Variants in CNTN3 observed in about 807,000 individuals in gnomAD.
The protein encoded by CNTN3 is contactin 3.
CNTN3 carries 60 observed loss-of-function variants against 119.1 expected under a neutral mutation model. That is an observed-to-expected ratio of 0.50 (90% CI 0.41 to 0.62). The LOEUF (loss-of-function observed/expected upper bound fraction) is 0.62. Ranked by LOEUF, CNTN3 falls within the 20% of genes least tolerant of loss-of-function variation. The pLI, the probability that CNTN3 is intolerant of heterozygous loss-of-function variation, is 0.00. For missense variants in CNTN3, 1,101 were observed against 1,242.4 expected (o/e 0.89, Z 1.71); for synonymous variants, 450 against 438.7 (o/e 1.03, Z -0.32).
At chr3:74,341,277 C>A (rs1703538430) in intron 11 of CNTN3, among the ~76,000 whole-genome samples, 1 of 152,014 alleles carries the variant, frequency 6.6e-6, no homozygotes, top group Non-Finnish European at 1.5e-5. Flanking sequence ...CTTCAATAAC[C>A]CACGCTTCCC....
In CNTN3 at chr3:74,614,498, G is replaced by C. The variant is rs1705140592; in HGVS notation, c.-188C>G. Among the ~76,000 whole-genome samples the C allele has an allele frequency of 6.9e-6, 1 of 145,668 alleles. No homozygotes were observed. The highest frequency in any genetic ancestry group is 2.0e-4 in the East Asian group (1 of 4,994). On this transcript the variant is annotated 5_prime_UTR_variant, in exon 1 of 23. Transcript: ENST00000263665. ...CGCCGCAGTTAGTCCGGGCCCGGGG[G>C]GCCGCCGTGCGCGCCCGCGTAAGCC...
At chr3:74,576,976 C>T (rs1704427885) in intron 1 of CNTN3, among the ~76,000 whole-genome samples, 2 of 152,128 alleles carry the variant, frequency 1.3e-5, no homozygotes, top group Admixed American at 6.5e-5. Context: ...TAAGGAGAGG[C>T]AGCAGTGACT....
chr3:74,411,017 C>A (rs1409922961), intron 5 of CNTN3, among the ~76,000 whole-genome samples: 1 of 151,926 alleles, frequency 6.6e-6, no homozygotes. Context: ...GAGAGACTCC[C>A]CTCTCTATCC....
intron 2 of CNTN3, among the ~76,000 whole-genome samples, chr3:74,512,185 C>T (rs2107105729): frequency 6.6e-6 from 1 of 152,108 alleles, no homozygotes; most frequent in Non-Finnish European, 1.5e-5. Context: ...TTTTAATTAC[C>T]TCTGACTGAG....
chr3:74,327,433 A>C (rs1469637589), intron 13 of CNTN3, among the ~76,000 whole-genome samples: 1 of 152,036 alleles, frequency 6.6e-6, no homozygotes, highest in Non-Finnish European at 1.5e-5. Flanking sequence ...TGGAAGGGTT[A>C]ATCTTTGAAT....
chr3:74,592,635 G>T (rs1049175282), intron 1 of CNTN3, among the ~76,000 whole-genome samples: 2 of 151,866 alleles, frequency 1.3e-5, no homozygotes, highest in African/African-American at 4.8e-5. Flanking sequence ...CTGTTTTCCT[G>T]AAGGAAAATG....
At chr3:74,428,759 C>T (rs138901800) in intron 4 of CNTN3, among the ~76,000 whole-genome samples, 71 of 152,218 alleles carry the variant, frequency 4.7e-4, no homozygotes, top group Middle Eastern at 3.4e-3. Flanking sequence ...ATTCACTCAC[C>T]GCTCACTCAC....
intron 1 of CNTN3, among the ~76,000 whole-genome samples, chr3:74,532,595 T>C (rs1043768017): frequency 1.3e-5 from 2 of 151,988 alleles, no homozygotes; most frequent in African/African-American, 4.8e-5. Flanking sequence ...CCTAAGTGAC[T>C]CACAGGTGGG....
At chr3:74,304,954 A>G (rs1702529363) in intron 13 of CNTN3, among the ~76,000 whole-genome samples, 1 of 152,164 alleles carries the variant, frequency 6.6e-6, no homozygotes, top group Non-Finnish European at 1.5e-5. Flanking sequence ...TATTTGTATT[A>G]TTCCTCTTCT....
At chr3:74,420,330 T>C (rs7648056) in intron 5 of CNTN3, among the ~76,000 whole-genome samples, 113,420 of 151,806 alleles carry the variant, frequency 0.75, 42,507 homozygotes, top group East Asian at 0.81. Context: ...TAAATTACAT[T>C]GATTAATTAA....
intron 2 of CNTN3, among the ~76,000 whole-genome samples, chr3:74,508,923 A>C (rs2107099402): frequency 6.6e-6 from 1 of 152,318 alleles, no homozygotes; most frequent in East Asian, 1.9e-4. Context: ...TGTAAGAAAA[A>C]GTATAAGCAT....
chr3:74,533,886 G>A (rs1000876897), intron 1 of CNTN3, among the ~76,000 whole-genome samples: 1 of 152,042 alleles, frequency 6.6e-6, no homozygotes, highest in Non-Finnish European at 1.5e-5. Context: ...GAGGGATACA[G>A]ATGAGCTACT....
Position 74,425,058 on chromosome 3 carries a change from A to T in CNTN3, c.359-118T>A, listed in dbSNP as rs1370721377. ...TTAGTTTTTGCTTTTTTCTTTAAAA[A>T]TTTTTATTTTTATTTACTTAGAATT... On this transcript the variant is annotated intron_variant, in intron 4 of 22. Coordinates refer to ENST00000263665, the MANE Select transcript of CNTN3 (RefSeq NM_020872.3). 1.1e-5 allele frequency: 7 copies of T among 641,744 alleles called. No individual in the cohort carries two copies. The East Asian group carries it at 2.0e-4, about 19-fold the overall frequency. 39.8% of individuals were successfully genotyped at this position (641,744 alleles called of 1,614,324 possible).
chr3:74,364,723 T>C (rs186413209), intron 9 of CNTN3, 127 bp from the exon 10 acceptor site: 36 of 688,770 alleles, frequency 5.2e-5, no homozygotes, highest in African/African-American at 3.6e-4. Flanking sequence ...CAGGATGGCC[T>C]GAAATTTAAC....
intron 20 of CNTN3, among the ~76,000 whole-genome samples, chr3:74,275,259 G>T (rs973410148): frequency 3.9e-5 from 6 of 152,180 alleles, no homozygotes; most frequent in African/African-American, 1.2e-4. Flanking sequence ...GCCCAGCCTT[G>T]CAAGAGACCT....
intron 1 of CNTN3, among the ~76,000 whole-genome samples, chr3:74,590,633 C>T (rs1174940579): frequency 6.6e-6 from 1 of 152,024 alleles, no homozygotes; most frequent in Admixed American, 6.6e-5. Context: ...GCTAGATGTC[C>T]TGCAATGCAA....
chr3:74,416,792 A>G (rs1419854948), intron 5 of CNTN3, among the ~76,000 whole-genome samples: 1 of 152,072 alleles, frequency 6.6e-6, no homozygotes, highest in Admixed American at 6.6e-5. Context: ...GATCGAGAAC[A>G]GGCTGGTCAA....
chr3:74,275,779 T>C (rs909975708), intron 20 of CNTN3, among the ~76,000 whole-genome samples: 7 of 152,034 alleles, frequency 4.6e-5, no homozygotes, highest in African/African-American at 1.7e-4. Flanking sequence ...AGTGGAATGG[T>C]ACCTCACACC....
intron 13 of CNTN3, among the ~76,000 whole-genome samples, chr3:74,326,747 T>C (rs1703141281): frequency 6.6e-6 from 1 of 152,188 alleles, no homozygotes; most frequent in African/African-American, 2.4e-5. Flanking sequence ...AGCCCTAATA[T>C]AATTTTGTCC....
Sources: gnomAD v4.1 joint callset for allele counts (sites outside exome capture counted in the v4.1 genomes callset) on GRCh38, gnomAD v4.1.1 for gene constraint, MANE v1.5 for transcripts, NCBI Gene and HGNC (gene_info 2026-07-23, HGNC 2026-07-21) for gene names.